Variants in UNC13C observed in about 807,000 individuals in gnomAD.
UNC13C encodes protein unc-13 homolog C.
In UNC13C, 174 loss-of-function variants were observed where a neutral mutation model predicts 245.4. That is an observed-to-expected ratio of 0.71 (90% confidence interval 0.63 to 0.80). The LOEUF is 0.80. Ranked by LOEUF, UNC13C falls within the 30% of genes least tolerant of loss-of-function variation. The pLI, the probability that UNC13C is intolerant of heterozygous loss-of-function variation, is 0.00. For missense variants in UNC13C, 2,829 were observed against 2,602.9 expected (o/e 1.09, Z -1.89); for synonymous variants, 992 against 895.1 (o/e 1.11, Z -1.93).
At chr15:54,576,749 C>A (rs1169911879) in intron 30 of UNC13C, among the ~76,000 whole-genome samples, 2 of 152,180 alleles carry the variant, frequency 1.3e-5, no homozygotes, top group Non-Finnish European at 2.9e-5. Flanking sequence ...ATGGATTCAT[C>A]TTGTGACAGT....
chr15:54,273,073 T>A (rs2036730225), intron 10 of UNC13C, among the ~76,000 whole-genome samples: 1 of 152,128 alleles, frequency 6.6e-6, no homozygotes, highest in Non-Finnish European at 1.5e-5. Context: ...GCAATCTTTG[T>A]GGGTAAAAAG....
At chr15:54,399,579 C>G (rs1343392726) in intron 18 of UNC13C, among the ~76,000 whole-genome samples, 2 of 151,800 alleles carry the variant, frequency 1.3e-5, no homozygotes, top group African/African-American at 4.8e-5. Context: ...AATATACATA[C>G]AGTGAAGTCT....
chr15:54,588,856 T>C (rs1447759557), intron 30 of UNC13C, among the ~76,000 whole-genome samples: 2 of 152,240 alleles, frequency 1.3e-5, no homozygotes, highest in African/African-American at 4.8e-5. Flanking sequence ...ATTGTATATA[T>C]ATACGAGTTT....
chr15:53,847,688 C>T, the UNC13C span, among the ~76,000 whole-genome samples: 27 of 152,032 alleles, frequency 1.8e-4, no homozygotes, highest in South Asian at 5.6e-3. Context: ...TTTTTATATC[C>T]TCCCTAGATT....
At chr15:54,436,604 G>C (rs1235170971) in intron 19 of UNC13C, among the ~76,000 whole-genome samples, 1 of 151,888 alleles carries the variant, frequency 6.6e-6, no homozygotes, top group Non-Finnish European at 1.5e-5. Context: ...ATAAATGGGA[G>C]TTGAACAATG....
intron 2 of UNC13C, among the ~76,000 whole-genome samples, chr15:54,044,721 T>C (rs1896956281): frequency 6.6e-6 from 1 of 152,190 alleles, no homozygotes; most frequent in African/African-American, 2.4e-5. Context: ...TACAACATGA[T>C]GTTATCAGAT....
intron 1 of UNC13C, among the ~76,000 whole-genome samples, chr15:53,984,967 T>C (rs1055392228): frequency 6.6e-6 from 1 of 152,072 alleles, no homozygotes; most frequent in African/African-American, 2.4e-5. Context: ...ACTTTCTTTT[T>C]TTTTACTCTT....
At chr15:54,203,376 C>T (rs941668265) in intron 4 of UNC13C, among the ~76,000 whole-genome samples, 10 of 151,260 alleles carry the variant, frequency 6.6e-5, no homozygotes, top group African/African-American at 9.7e-5. Context: ...TACTTGTACA[C>T]GCGTTTATAG....
chr15:53,854,688 G>T, the UNC13C span, among the ~76,000 whole-genome samples: 1 of 152,114 alleles, frequency 6.6e-6, no homozygotes, highest in African/African-American at 2.4e-5. Flanking sequence ...TGCTGTTTTG[G>T]TTACTGTAGC....
At chr15:54,378,007 T>G (rs1289754189) in intron 17 of UNC13C, among the ~76,000 whole-genome samples, 1 of 151,096 alleles carries the variant, frequency 6.6e-6, no homozygotes, top group Non-Finnish European at 1.5e-5. Flanking sequence ...AGTATGGGAT[T>G]TTTTTTTTGG....
chr15:53,991,673 T>C (rs1318446966), intron 1 of UNC13C, among the ~76,000 whole-genome samples: 1 of 152,084 alleles, frequency 6.6e-6, no homozygotes, highest in Non-Finnish European at 1.5e-5. Flanking sequence ...CTGCATTCTA[T>C]TAGCCATCTC....
intron 2 of UNC13C, among the ~76,000 whole-genome samples, chr15:54,116,526 A>T (rs961941013): frequency 6.6e-6 from 1 of 152,144 alleles, no homozygotes; most frequent in Non-Finnish European, 1.5e-5. Flanking sequence ...AGAACATGCA[A>T]TATTTGTCTT....
At chr15:54,423,558 A>G (rs1048320955) in intron 19 of UNC13C, among the ~76,000 whole-genome samples, 1 of 151,894 alleles carries the variant, frequency 6.6e-6, no homozygotes, top group African/African-American at 2.4e-5. Flanking sequence ...CTTCAAACAA[A>G]TTAAGATATT....
At chr15:54,115,903 A>G (rs2030208008) in intron 2 of UNC13C, among the ~76,000 whole-genome samples, 1 of 152,154 alleles carries the variant, frequency 6.6e-6, no homozygotes, top group African/African-American at 2.4e-5. Context: ...TAAGGCAGCA[A>G]TAGACGCATA....
intron 4 of UNC13C, among the ~76,000 whole-genome samples, chr15:54,234,335 C>T (rs752502858): frequency 9.9e-5 from 15 of 151,754 alleles, no homozygotes; most frequent in Middle Eastern, 3.4e-3. Context: ...TTTATGTATG[C>T]GCACATATAT....
At chr15:53,891,949 G>A in the UNC13C span, among the ~76,000 whole-genome samples, 112,191 of 152,054 alleles carry the variant, frequency 0.74, 41,789 homozygotes, top group East Asian at 0.9. Context: ...CAGTTTCTTC[G>A]TAGTGTTGAT....
chr15:54,239,602 C>T (rs2035797581), intron 7 of UNC13C, among the ~76,000 whole-genome samples: 1 of 150,716 alleles, frequency 6.6e-6, no homozygotes, highest in African/African-American at 2.5e-5. Flanking sequence ...AGGCATATGC[C>T]ACCACACTCA....
In UNC13C at chr15:54,042,865, GAAAAAGAA is replaced by G. The variant is rs928281527; in HGVS notation, c.2983+26983_2983+26990del. Reference sequence around the variant, plus strand: ...GAGACTCTGTCTCAGAAAAGAAAAAGAAAAAGAAAAAGAAACCACTTACTGAGAATCTA... The same window carrying G: ...GAGACTCTGTCTCAGAAAAGAAAAAGAAAGAAACCACTTACTGAGAATCTA... On this transcript the variant is annotated intron_variant, in intron 2 of 32. Transcript: ENST00000260323. Among the ~76,000 whole-genome samples the G allele has an allele frequency of 4.8e-4, 26 of 54,418 alleles. No homozygotes were observed. In the East Asian group the frequency reaches 5.5e-3, roughly 12 times the overall value. 35.7% of individuals were successfully genotyped at this position (54,418 alleles called of 152,430 possible).
intron 2 of UNC13C, among the ~76,000 whole-genome samples, chr15:54,082,402 C>A (rs1037069560): frequency 1.3e-5 from 2 of 152,080 alleles, no homozygotes; most frequent in African/African-American, 4.8e-5. Context: ...ATCATAATGC[C>A]GATTAGTCAT....
Sources: allele counts gnomAD v4.1 joint callset (sites outside exome capture counted in the v4.1 genomes callset), GRCh38; gene constraint gnomAD v4.1.1; transcripts MANE v1.5; gene names NCBI Gene and HGNC (gene_info 2026-07-23, HGNC 2026-07-21).